CKAP5: variants seen among roughly 807,000 people sequenced by gnomAD.
CKAP5 encodes cytoskeleton-associated protein 5.
A neutral mutation model predicts 232.8 loss-of-function variants in CKAP5; 27 were observed. That is an observed-to-expected ratio of 0.12 (90% CI 0.09 to 0.16). The LOEUF (loss-of-function observed/expected upper bound fraction) is 0.16, where lower values mean the gene tolerates loss of function less well. Ranked by LOEUF, CKAP5 falls within the 10% of genes least tolerant of loss-of-function variation. The pLI, the probability that CKAP5 is intolerant of heterozygous loss-of-function variation, is 1.00. For missense variants in CKAP5, 1,838 were observed against 2,424.7 expected, an observed-to-expected ratio of 0.76 and a Z score of 5.08; for synonymous variants, 785 against 841.1, an observed-to-expected ratio of 0.93 and a Z score of 1.16.
At chr11:46,818,765 T>C (rs1367873478) in intron 2 of CKAP5, among the ~76,000 whole-genome samples, 1 of 152,176 alleles carries the variant, frequency 6.6e-6, no homozygotes, top group Admixed American at 6.5e-5. Context: ...GAATCTCACA[T>C]TGTATCTAAG....
intron 12 of CKAP5, 33 bp downstream of exon 12, chr11:46,796,779 G>A: frequency 1.2e-6 from 2 of 1,609,912 alleles, no homozygotes; most frequent in Non-Finnish European, 1.7e-6. Context: ...CAGGAATGTT[G>A]TCCAATTTCA....
intron 1 of CKAP5, among the ~76,000 whole-genome samples, chr11:46,840,902 G>C (rs1015045604): frequency 7.2e-5 from 11 of 152,130 alleles, no homozygotes; most frequent in African/African-American, 2.2e-4. Flanking sequence ...CTTCAGATTG[G>C]CATCTGAGTT....
chr11:46,760,371 T>C (rs868355430), intron 33 of CKAP5: 3 of 658,310 alleles, frequency 4.6e-6, no homozygotes, highest in Admixed American at 2.1e-5. Context: ...GTGCGATACA[T>C]AATTCTGTCC....
rs775376160 is a variant in CKAP5, at chr11:46,759,091, C to T, written c.4569-48G>A. ...AACTTCAACCTCTATTACAAGACATCCCAGTCAGTTGGAGTTATACAATTC... is the reference window on the plus strand; with the variant it reads ...AACTTCAACCTCTATTACAAGACATTCCAGTCAGTTGGAGTTATACAATTC... On this transcript the variant is annotated intron_variant, in intron 34 of 43. Transcript: ENST00000529230. 45 of 1,600,856 alleles carry T rather than the reference C, an allele frequency of 2.8e-5. No individual in the cohort carries two copies. The Admixed American group carries it at 6.6e-4, about 24-fold the overall frequency.
chr11:46,752,732 A>G, intron 37 of CKAP5, 22 bp from the exon 38 acceptor site: 1 of 1,598,164 alleles, frequency 6.3e-7, no homozygotes, highest in Non-Finnish European at 8.6e-7. Context: ...ACCCAACACA[A>G]CAGCATTAAG....
rs1939638716 is a variant in CKAP5, at chr11:46,825,774, T to A, written c.-37-4506A>T. ...CTCATAAAAAAAAAAAAAGAAATTATTTTTTTAAAAAAGCAATGCATACAC... is the reference window on the plus strand; with the variant it reads ...CTCATAAAAAAAAAAAAAGAAATTAATTTTTTAAAAAAGCAATGCATACAC... On this transcript the variant is annotated intron_variant, in intron 1 of 43. Coordinates refer to ENST00000529230, the MANE Select transcript of CKAP5 (RefSeq NM_001008938.4). Among the ~76,000 whole-genome samples the A allele has an allele frequency of 3.3e-5, 5 of 152,110 alleles. No homozygotes were observed. In the South Asian group the frequency reaches 1.0e-3, roughly 32 times the overall value.
At chr11:46,758,841 G>T in intron 35 of CKAP5, 82 bp downstream of exon 35, 1 of 1,478,564 alleles carries the variant, frequency 6.8e-7, no homozygotes, top group South Asian at 1.3e-5. Context: ...CTAATGCTAT[G>T]ACTCTGCGAG....
chr11:46,819,606 CAG>C (rs767212055), intron 2 of CKAP5, among the ~76,000 whole-genome samples: 1 of 152,066 alleles, frequency 6.6e-6, no homozygotes, highest in African/African-American at 2.4e-5. Flanking sequence ...GATTGAAAAA[CAG>C]AAATAATTTA....
At position 46,821,807 on chromosome 11, in the gene CKAP5, G is replaced by A. The variant is rs187863174; in HGVS notation, c.-37-539C>T. 5.3e-3 allele frequency among the ~76,000 whole-genome samples: 801 copies of A among 152,180 alleles called. 7 individuals are homozygous for A. Among genetic ancestry groups the A allele is most frequent in the African/African-American group, 0.018 (761 of 41,536 alleles). ...TAATCTCAGCACTTTGGGAGGCTGA[G>A]GTGGGCAGATCACCTGAGATCAGGA... On this transcript the variant is annotated intron_variant, in intron 1 of 43. Transcript: ENST00000529230.
chr11:46,826,643 T>G (rs1358973067), intron 1 of CKAP5: 1 of 152,178 alleles, frequency 6.6e-6, no homozygotes, highest in Non-Finnish European at 1.5e-5. Flanking sequence ...GAGCCGGCAT[T>G]GTTTACGCTC....
In CKAP5 at chr11:46,787,943, TG is replaced by T. The variant is rs2065412295; in HGVS notation, c.1968+737del. On this transcript the variant is annotated intron_variant, in intron 16 of 43. Transcript: ENST00000529230. ...TTCAGCCTATTCAACATGAAGATGA[TG>T]GGAATTGAAGACCTTTATGATGATC... 5.3e-5 allele frequency among the ~76,000 whole-genome samples: 8 copies of T among 152,310 alleles called. No individual in the cohort carries two copies. In the South Asian group the frequency reaches 1.4e-3, roughly 28 times the overall value.
chr11:46,744,283 G>C lies in CKAP5; in HGVS notation c.5857-18C>G. ...TCATCTTGCTATTGAGAGAAGGAGA[G>C]AGATTGTCTAAGGTCAGGTCAAGCA... On this transcript the variant is annotated intron_variant, in intron 43 of 43. Coordinates refer to ENST00000529230, the MANE Select transcript of CKAP5 (RefSeq NM_001008938.4). The C allele has an allele frequency of 1.2e-6, 2 of 1,613,742 alleles. No homozygotes were observed. Among genetic ancestry groups the C allele is most frequent in the East Asian group, 4.5e-5 (2 of 44,874 alleles).
rs1565746841 is a variant in CKAP5 at position 46,809,482 on chromosome 11, T to C, written c.782A>G (p.Glu261Gly). 3.1e-6 allele frequency: 5 copies of C among 1,609,484 alleles called. No individual in the cohort carries two copies. The highest frequency in any genetic ancestry group is 4.2e-6 in the Non-Finnish European group (5 of 1,176,608). Reference protein sequence around the residue: ...DAEGGGDDGDEVPQIDAYELL... With the variant: ...DAEGGGDDGDGVPQIDAYELL... ...CTCATAAGCATCTATTTGTGGCACC[T>C]CATCACCATCATCACCACCTTTAAG... The change falls in exon 7 of 44, where the codon GAG becomes GGG. Residue 261 changes from glutamate to glycine, a missense_variant. Physicochemically the swap from Glu to Gly is moderately conservative, Grantham distance 98. This residue lies in a region of CKAP5 where 285 missense variants were observed against 300.0 expected (regional missense o/e 0.95). Transcript: ENST00000529230.
At chr11:46,832,501 T>G (rs958921610) in intron 1 of CKAP5, among the ~76,000 whole-genome samples, 9 of 152,130 alleles carry the variant, frequency 5.9e-5, no homozygotes, top group African/African-American at 2.2e-4. Flanking sequence ...ACAGATTGAG[T>G]TGTAAACCTT....
intron 1 of CKAP5, among the ~76,000 whole-genome samples, chr11:46,837,806 C>A (rs1939950594): frequency 6.6e-6 from 1 of 152,152 alleles, no homozygotes; most frequent in South Asian, 2.1e-4. Context: ...TGAGTCCACA[C>A]TATTATCAGT....
chr11:46,830,440 CAAAAAAAAAAAA>C (rs71042623), intron 1 of CKAP5, among the ~76,000 whole-genome samples: 2 of 67,932 alleles, frequency 2.9e-5, no homozygotes, highest in Non-Finnish European at 5.6e-5. Context: ...GACTCCGTCT[CAAAAAAAAAAAA>C]AAAAAAAAAA....
At chr11:46,797,048 TACTGGAA>T (rs1938893975) in intron 11 of CKAP5, 108 bp from the exon 12 acceptor site, 3 of 1,220,630 alleles carry the variant, frequency 2.5e-6, no homozygotes, top group African/African-American at 3.0e-5. Flanking sequence ...TTTTACAATT[TACTGGAA>T]CTAAGTATAG....
Position 46,756,725 on chromosome 11 carries a change from C to CG in CKAP5, c.4690-1659_4690-1658insC, listed in dbSNP as rs1318620397. The stretch of plus-strand genomic sequence containing the variant: ...CTCTTTATAGTGTAGGACAGTTCTT[C>CG]AGTGTTTCCTTGACTTTCTGGACCT... On this transcript the variant is annotated intron_variant, in intron 35 of 43. Coordinates refer to ENST00000529230, the MANE Select transcript of CKAP5 (RefSeq NM_001008938.4). 2.0e-5 allele frequency among the ~76,000 whole-genome samples: 3 copies of CG among 151,472 alleles called. No individual in the cohort carries two copies. The East Asian group carries it at 5.8e-4, about 29-fold the overall frequency.
chr11:46,775,169 T>C (rs1264361374), intron 24 of CKAP5, among the ~76,000 whole-genome samples: 1 of 151,854 alleles, frequency 6.6e-6, no homozygotes, highest in Non-Finnish European at 1.5e-5. Context: ...CATCAAAAAG[T>C]GGGTGAAGGA....
Sources: gnomAD v4.1 joint callset for allele counts (sites outside exome capture counted in the v4.1 genomes callset) on GRCh38, gnomAD v4.1.1 for gene constraint, gnomAD v4.1.1 regional missense constraint, MANE v1.5 for transcripts, NCBI Gene and HGNC (gene_info 2026-07-23, HGNC 2026-07-21) for gene names.